SLC39A11: variants seen among roughly 807,000 people sequenced by gnomAD.
SLC39A11 encodes solute carrier family 39 member 11.
In SLC39A11, 33 loss-of-function variants were observed where a neutral mutation model predicts 36.1. The ratio of observed to expected loss-of-function variants is 0.91; its 90% CI spans 0.69 to 1.22. SLC39A11 has a LOEUF of 1.22. Ranked by LOEUF, SLC39A11 falls within the 50% of genes most tolerant of loss-of-function variation. The probability of loss-of-function intolerance (pLI) is 0.00; values close to 1 mark genes in which losing one functional copy is unlikely to be tolerated. For missense variants in SLC39A11, 432 were observed against 430.3 expected (o/e 1.00, Z -0.03); for synonymous variants, 166 against 170.3 (o/e 0.97, Z 0.20).
intron 6 of SLC39A11, among the ~76,000 whole-genome samples, chr17:72,745,819 G>T (rs1339934074): frequency 6.6e-6 from 1 of 152,108 alleles, no homozygotes; most frequent in Non-Finnish European, 1.5e-5. Context: ...TTTCCTCCTT[G>T]ATTTAAAAAA....
chr17:72,865,423 A>AC (rs2080254211), intron 5 of SLC39A11, among the ~76,000 whole-genome samples: 3 of 151,782 alleles, frequency 2.0e-5, no homozygotes, highest in African/African-American at 4.8e-5. Context: ...AAAAAAAAAA[A>AC]AAAACAACTT....
intron 3 of SLC39A11, among the ~76,000 whole-genome samples, chr17:73,057,215 C>CT (rs2059697849): frequency 6.6e-6 from 1 of 152,228 alleles, no homozygotes; most frequent in Non-Finnish European, 1.5e-5. Context: ...ACGCACCCGC[C>CT]TTGTCCTCCC....
intron 6 of SLC39A11, among the ~76,000 whole-genome samples, chr17:72,846,056 G>T (rs2079043674): frequency 1.5e-5 from 1 of 65,414 alleles, no homozygotes. Context: ...TTGAGACAGA[G>T]CCTTGCTTTG....
intron 3 of SLC39A11, among the ~76,000 whole-genome samples, chr17:73,034,083 C>T (rs1444576683): frequency 6.6e-6 from 1 of 152,208 alleles, no homozygotes; most frequent in Non-Finnish European, 1.5e-5. Context: ...GAGGGCTCCC[C>T]CTCCCTGCTA....
At chr17:73,073,251 G>T (rs1158077453) in intron 3 of SLC39A11, among the ~76,000 whole-genome samples, 2 of 152,238 alleles carry the variant, frequency 1.3e-5, no homozygotes, top group Non-Finnish European at 2.9e-5. Context: ...CCAATTATGA[G>T]AGTGTGGAGT....
chr17:72,900,180 A>G lies in SLC39A11; in HGVS notation c.430+47572T>C, dbSNP rs12600565. ...AAGAAAGAAAGAAAGAAAGAAAGAA[A>G]GAAAGAAAGAAAGAAAGAAAGAAAG... is the stretch of plus-strand genomic sequence containing the variant. On this transcript the variant is annotated intron_variant, in intron 5 of 9. Transcript: ENST00000255559. Among the ~76,000 whole-genome samples, 183 of 143,426 alleles carry G rather than the reference A, an allele frequency of 1.3e-3. 28 individuals carry two copies. Among genetic ancestry groups the G allele is most frequent in the African/African-American group, 5.0e-3 (175 of 35,034 alleles). The allele number at this position is 143,426 out of a possible 152,430, so 94.1% of individuals were successfully genotyped here.
intron 3 of SLC39A11, among the ~76,000 whole-genome samples, chr17:73,032,849 ATC>A (rs1163794611): frequency 1.3e-5 from 2 of 152,238 alleles, no homozygotes; most frequent in African/African-American, 4.8e-5. Flanking sequence ...TTGATATCTT[ATC>A]TTTTCATCAC....
intron 5 of SLC39A11, among the ~76,000 whole-genome samples, chr17:72,868,490 T>G (rs950823372): frequency 6.6e-6 from 1 of 151,122 alleles, no homozygotes; most frequent in African/African-American, 2.4e-5. Context: ...CTACGGAAAA[T>G]CTTCAGTAAG....
At chr17:73,031,884 T>C (rs142552483) in intron 3 of SLC39A11, among the ~76,000 whole-genome samples, 170 bp from the exon 4 acceptor site, 9 of 152,270 alleles carry the variant, frequency 5.9e-5, no homozygotes, top group African/African-American at 2.2e-4. Flanking sequence ...ATCCCCAGAA[T>C]TCCCGGAGCT....
chr17:72,702,194 C>G (rs2072677112), intron 7 of SLC39A11, among the ~76,000 whole-genome samples: 1 of 152,206 alleles, frequency 6.6e-6, no homozygotes, highest in Non-Finnish European at 1.5e-5. Flanking sequence ...CTCTCATAAA[C>G]TCGCAAGCTA....
intron 6 of SLC39A11, among the ~76,000 whole-genome samples, chr17:72,782,059 T>C (rs1238725250): frequency 5.3e-5 from 8 of 152,136 alleles, no homozygotes; most frequent in Non-Finnish European, 1.2e-4. Flanking sequence ...GCCTGGCAGA[T>C]ATAATTAAGG....
chr17:72,768,910 G>A (rs551091917), intron 6 of SLC39A11, among the ~76,000 whole-genome samples: 3 of 151,978 alleles, frequency 2.0e-5, no homozygotes, highest in Non-Finnish European at 2.9e-5. Flanking sequence ...ATAGGCGCCC[G>A]CCACCACGCT....
At position 73,088,733 on chromosome 17, in the gene SLC39A11, G is replaced by T. The variant is rs1171113498; in HGVS notation, c.32C>A (p.Ala11Asp). 6 of 1,611,010 alleles carry T rather than the reference G, an allele frequency of 3.7e-6. No homozygotes were observed. Among genetic ancestry groups the T allele is most frequent in the Non-Finnish European group, 5.1e-6 (6 of 1,178,626 alleles). Residue 11 changes from alanine (A) to aspartate (D), a missense_variant, in exon 2 of 10, where the codon GCC becomes GAC. By Grantham distance (126) the Ala-to-Asp change is moderately radical (BLOSUM62 -2). Transcript: ENST00000255559. ...CCAGGTGAAGAAGGTCCCCAGCAAG[G>T]CCTGGAACACAGAGCTGTGGCCTTG... MLQGHSSVFQ[A>D]LLGTFFTWGM...
At chr17:72,921,168 A>ATT (rs2083647620) in intron 5 of SLC39A11, among the ~76,000 whole-genome samples, 2 of 152,194 alleles carry the variant, frequency 1.3e-5, no homozygotes, top group African/African-American at 4.8e-5. Flanking sequence ...AAAAGTAAGA[A>ATT]CACAAGCCCA....
At chr17:72,707,772 G>A (rs935433026) in intron 7 of SLC39A11, among the ~76,000 whole-genome samples, 3 of 152,276 alleles carry the variant, frequency 2.0e-5, no homozygotes, top group African/African-American at 4.8e-5. Flanking sequence ...AAGGCAAAGC[G>A]TACGGCATGG....
At chr17:72,852,218 A>AAAAAAAAAAAAAAAC (rs2079380086) in intron 5 of SLC39A11, among the ~76,000 whole-genome samples, 1 of 148,670 alleles carries the variant, frequency 6.7e-6, no homozygotes, top group Non-Finnish European at 1.5e-5. Context: ...AAAAAAAAAA[A>AAAAAAAAAAAAAAAC]AAAAAAAAAA....
chr17:72,648,036 A>G (rs1288396068), intron 9 of SLC39A11, among the ~76,000 whole-genome samples: 3 of 152,166 alleles, frequency 2.0e-5, no homozygotes, highest in African/African-American at 7.2e-5. Context: ...TTCTTCTATA[A>G]AAACCAAAAT....
intron 4 of SLC39A11, among the ~76,000 whole-genome samples, chr17:73,030,243 A>G (rs2058696936): frequency 6.6e-6 from 1 of 152,180 alleles, no homozygotes; most frequent in African/African-American, 2.4e-5. Flanking sequence ...ATTGACCAGT[A>G]GCGGTCCTTG....
At chr17:73,009,165 C>A (rs531642467) in intron 4 of SLC39A11, among the ~76,000 whole-genome samples, 1 of 151,750 alleles carries the variant, frequency 6.6e-6, no homozygotes, top group South Asian at 2.1e-4. Flanking sequence ...AGATCGAACC[C>A]ATCCTGGCTA....
Sources: gnomAD v4.1 joint callset for allele counts (sites outside exome capture counted in the v4.1 genomes callset) on GRCh38, gnomAD v4.1.1 for gene constraint, MANE v1.5 for transcripts, NCBI Gene and HGNC (gene_info 2026-07-23, HGNC 2026-07-21) for gene names.